The following ZNF223 variants were observed in gnomAD, a reference collection of about 807,000 sequenced individuals.
The protein encoded by ZNF223 is Homo sapiens zinc finger protein 223.
A neutral mutation model predicts 12.3 loss-of-function variants in ZNF223; 9 were observed. The observed-to-expected ratio is 0.73, with a 90% confidence interval of 0.44 to 1.28. The LOEUF (loss-of-function observed/expected upper bound fraction) is 1.28. Ranked by LOEUF, ZNF223 falls within the 50% of genes most tolerant of loss-of-function variation. ZNF223 has a pLI of 0.00. For missense variants in ZNF223, 506 were observed against 579.0 expected (o/e 0.87, Z 1.29); for synonymous variants, 171 against 195.2 (o/e 0.88, Z 1.03).
chr19:44,067,376 TA>T lies in ZNF223; in HGVS notation c.*100del. ...TAATTAGCACATTTATCACCTCAATTATCTCTTTTTTGTGTTGAGAAAATTA... is the reference window on the plus strand; with the variant it reads ...TAATTAGCACATTTATCACCTCAATTTCTCTTTTTTGTGTTGAGAAAATTA... On this transcript the variant is annotated 3_prime_UTR_variant, in exon 5 of 5. Transcript: ENST00000434772. 7.9e-7 allele frequency: 1 copy of T among 1,271,464 alleles called. No homozygotes were observed. Among genetic ancestry groups the T allele is most frequent in the South Asian group, 1.3e-5 (1 of 78,142 alleles). The allele number at this position is 1,271,464 out of a possible 1,614,324, so 78.8% of individuals were successfully genotyped here.
At chr19:44,065,770 G>T (rs1207337049) in intron 4 of ZNF223, among the ~76,000 whole-genome samples, 1 of 151,666 alleles carries the variant, frequency 6.6e-6, no homozygotes, top group Non-Finnish European at 1.5e-5. Context: ...TAGAGACGGG[G>T]TTTCACTATG....
At chr19:44,055,821 C>T (rs1258036611) in intron 2 of ZNF223, among the ~76,000 whole-genome samples, 2 of 152,066 alleles carry the variant, frequency 1.3e-5, no homozygotes, top group African/African-American at 4.8e-5. Context: ...ATTGGCCAGT[C>T]ACTTGTGTAC....
At chr19:44,065,919 C>T (rs1179757411) in intron 4 of ZNF223, 145 bp from the exon 5 acceptor site, 15 of 1,378,404 alleles carry the variant, frequency 1.1e-5, no homozygotes, top group Non-Finnish European at 1.4e-5. Flanking sequence ...TTAGATTACT[C>T]TCATGCAAAC....
At chr19:44,053,179 A>G (rs1976722943) in intron 1 of ZNF223, among the ~76,000 whole-genome samples, 1 of 152,190 alleles carries the variant, frequency 6.6e-6, no homozygotes, top group Non-Finnish European at 1.5e-5. Context: ...TGAGAAAAGA[A>G]ATAAGACACA....
intron 2 of ZNF223, 113 bp from the exon 3 acceptor site, chr19:44,060,342 A>T: frequency 6.7e-7 from 1 of 1,499,502 alleles, no homozygotes; most frequent in Non-Finnish European, 9.0e-7. Flanking sequence ...GTTGACCTAC[A>T]TCTCTGAAGA....
intron 4 of ZNF223, among the ~76,000 whole-genome samples, chr19:44,062,857 C>G (rs1421862997): frequency 6.6e-6 from 1 of 152,206 alleles, no homozygotes; most frequent in Non-Finnish European, 1.5e-5. Context: ...CTCCTTCCTT[C>G]CCTTAGAGGG....
chr19:44,058,937 C>G (rs975628829), intron 2 of ZNF223, among the ~76,000 whole-genome samples: 1 of 152,174 alleles, frequency 6.6e-6, no homozygotes, highest in Non-Finnish European at 1.5e-5. Flanking sequence ...TCTAGGGGCA[C>G]CCCCAGCATG....
chr19:44,056,947 C>T (rs1036663884), intron 2 of ZNF223, among the ~76,000 whole-genome samples: 2 of 151,984 alleles, frequency 1.3e-5, no homozygotes, highest in African/African-American at 4.8e-5. Context: ...AAAATATTTA[C>T]CCCTTGGATA....
chr19:44,063,627 C>T (rs1976869982), intron 4 of ZNF223: 1 of 152,332 alleles, frequency 6.6e-6, no homozygotes, highest in South Asian at 2.1e-4. Context: ...TCAACATGTT[C>T]CTGAAGCCAG....
chr19:44,058,535 A>G (rs1976797893), intron 2 of ZNF223, among the ~76,000 whole-genome samples: 1 of 152,218 alleles, frequency 6.6e-6, no homozygotes, highest in African/African-American at 2.4e-5. Flanking sequence ...AGAATCATTC[A>G]GGTGGCCCCA....
chr19:44,066,861 A>C lies in ZNF223; in HGVS notation c.1033A>C (p.Asn345His), dbSNP rs1976923840. The stretch of plus-strand genomic sequence containing the variant: ...GATCCACACAGGAGAGAAACCATAT[A>C]ATTGTAAAGAATGTGGGAAGAGCTT... ...QTIHTGEKPY[N>H]CKECGKSFRR... is the part of the protein sequence containing the mutation. The change falls in exon 5 of 5, where the codon AAT becomes CAT. Residue 345 changes from asparagine (N) to histidine (H), a missense_variant. By Grantham distance (68) the Asn-to-His change is moderately conservative. Transcript: ENST00000434772. 1 of 1,614,072 alleles carries C rather than the reference A, an allele frequency of 6.2e-7. No individual in the cohort carries two copies. The highest frequency in any genetic ancestry group is 1.3e-5 in the African/African-American group (1 of 74,918).
upstream of ZNF223, chr19:44,051,914 G>C (rs1052714917): frequency 8.5e-5 from 13 of 152,348 alleles, no homozygotes; most frequent in African/African-American, 3.1e-4. Context: ...GTTGAATTCT[G>C]GGAACGATAG....
chr19:44,067,246 T>A lies in ZNF223; in HGVS notation c.1418T>A (p.Ile473Lys). Reference protein sequence around the residue: ...KRYKRRLNLDIILSLFLNDT With the variant: ...KRYKRRLNLDKILSLFLNDT ...TACAAGAGGCGCTTGAATCTTGATA[T>A]AATTTTATCATTATTTTTAAATGAC... The change falls in exon 5 of 5, where the codon ATA becomes AAA. Residue 473 changes from isoleucine to lysine, a missense_variant. Coordinates refer to ENST00000434772, the MANE Select transcript of ZNF223 (RefSeq NM_013361.6). 6.2e-7 allele frequency: 1 copy of A among 1,607,964 alleles called. No homozygotes were observed. Among genetic ancestry groups the A allele is most frequent in the Non-Finnish European group, 8.5e-7 (1 of 1,178,534 alleles).
rs151248900 is a variant in ZNF223, at chr19:44,065,886, G to A, written c.236-178G>A. Among the ~76,000 whole-genome samples, 521 of 152,184 alleles carry A rather than the reference G, an allele frequency of 3.4e-3. 4 individuals carry two copies. Among genetic ancestry groups the A allele is most frequent in the Admixed American group, 9.5e-3 (145 of 15,282 alleles). The stretch of plus-strand genomic sequence containing the variant: ...GCTGGGATTATGGGTGTGAGCCACC[G>A]TCCCCAGTGACATGGTATGGTTTTA... On this transcript the variant is annotated intron_variant, in intron 4 of 4. Transcript: ENST00000434772.
At chr19:44,065,300 C>T (rs913831498) in intron 4 of ZNF223, among the ~76,000 whole-genome samples, 1 of 152,156 alleles carries the variant, frequency 6.6e-6, no homozygotes, top group Non-Finnish European at 1.5e-5. Flanking sequence ...CCATCTTAAA[C>T]TGAAAGGAAG....
chr19:44,060,203 C>T (rs1329360234), intron 2 of ZNF223, among the ~76,000 whole-genome samples: 3 of 152,106 alleles, frequency 2.0e-5, no homozygotes, highest in Non-Finnish European at 4.4e-5. Flanking sequence ...GGGCTACATA[C>T]AAGTAAACTC....
At chr19:44,052,748 A>G (rs1198887082) in intron 1 of ZNF223, among the ~76,000 whole-genome samples, 2 of 152,146 alleles carry the variant, frequency 1.3e-5, no homozygotes, top group African/African-American at 2.4e-5. Flanking sequence ...AAGGAAGCCC[A>G]CATACCACGG....
At chr19:44,063,733 G>A (rs993028500) in intron 4 of ZNF223, among the ~76,000 whole-genome samples, 73 of 152,102 alleles carry the variant, frequency 4.8e-4, no homozygotes, top group East Asian at 1.2e-3. Flanking sequence ...TCTGCTCACC[G>A]CTCAGCGACT....
At chr19:44,054,990 G>T in intron 1 of ZNF223, 119 bp from the exon 2 acceptor site, 1 of 503,188 alleles carries the variant, frequency 2.0e-6, no homozygotes, top group Non-Finnish European at 3.6e-6. Context: ...TTTGGGGTTA[G>T]TATGAATAAT....
Sources: gnomAD v4.1 joint callset for allele counts (sites outside exome capture counted in the v4.1 genomes callset) on GRCh38, gnomAD v4.1.1 for gene constraint, MANE v1.5 for transcripts, NCBI Gene and HGNC (gene_info 2026-07-23, HGNC 2026-07-21) for gene names.